Variants in FLYWCH1 observed in about 807,000 individuals in gnomAD.
FLYWCH1 encodes FLYWCH-type zinc finger-containing protein 1.
A neutral mutation model predicts 66.4 loss-of-function variants in FLYWCH1; 75 were observed. The ratio of observed to expected loss-of-function variants is 1.13; its 90% CI spans 0.94 to 1.37. FLYWCH1 has a LOEUF of 1.37. Among genes scored for constraint, FLYWCH1 ranks in the 40% most tolerant of loss-of-function variants. FLYWCH1 has a pLI of 0.00. For missense variants in FLYWCH1, 1,334 were observed against 1,001.8 expected (o/e 1.33, Z -4.48); for synonymous variants, 595 against 429.9 (o/e 1.38, Z -4.75).
chr16:2,925,490 C>CAG (rs1297786887), intron 2 of FLYWCH1, among the ~76,000 whole-genome samples: 1 of 146,144 alleles, frequency 6.8e-6, no homozygotes, highest in Non-Finnish European at 1.5e-5. Flanking sequence ...CCCTGGAGCT[C>CAG]AGAGCGAGGG....
chr16:2,917,858 A>G lies in FLYWCH1; in HGVS notation c.-74+3569A>G, dbSNP rs112537459. Among the ~76,000 whole-genome samples, 1,183 of 123,126 alleles carry G rather than the reference A, an allele frequency of 9.6e-3. 7 individuals carry two copies. Among genetic ancestry groups the G allele is most frequent in the Non-Finnish European group, 0.015 (960 of 62,262 alleles). 80.8% of individuals were successfully genotyped at this position (123,126 alleles called of 152,430 possible). ...CTGGAGTCTTTTCTTCCCCCTCGAG[A>G]TGGAGTCTCACTGTTGCCCAGGCTG... On this transcript the variant is annotated intron_variant, in intron 2 of 9. Coordinates refer to ENST00000253928, the MANE Select transcript of FLYWCH1 (RefSeq NM_001308068.2).
At chr16:2,948,625 CTG>C in intron 9 of FLYWCH1, 61 bp from the exon 10 acceptor site, 2 of 1,539,492 alleles carry the variant, frequency 1.3e-6, no homozygotes, top group Non-Finnish European at 1.8e-6. Context: ...CCTGAACTTT[CTG>C]TGTTATCTAT....
At chr16:2,926,754 A>G (rs2150932957) in intron 2 of FLYWCH1, among the ~76,000 whole-genome samples, 1 of 152,346 alleles carries the variant, frequency 6.6e-6, no homozygotes, top group Non-Finnish European at 1.5e-5. Context: ...AATTGGCCAT[A>G]AAGCCATGTT....
chr16:2,925,256 C>T (rs2150925955), intron 2 of FLYWCH1, among the ~76,000 whole-genome samples: 1 of 152,334 alleles, frequency 6.6e-6, no homozygotes, highest in East Asian at 1.9e-4. Context: ...GGACTTTCTC[C>T]AGAGGGCGGG....
chr16:2,930,689 C>A lies in FLYWCH1; in HGVS notation c.605C>A (p.Pro202His). 6.5e-7 allele frequency: 1 copy of A among 1,544,230 alleles called. No individual in the cohort carries two copies. The highest frequency in any genetic ancestry group is 8.7e-7 in the Non-Finnish European group (1 of 1,147,382). ...GCCCTGCCAGAGGGCTTGGGAGAGC[C>A]CCAGGGTCCTGAGGGCCCTGGAGGC... ...SLALPEGLGE[P>H]QGPEGPGGRV... is the part of the protein sequence containing the mutation. The change falls in exon 4 of 10, where the codon CCC (proline) becomes CAC (histidine). Residue 202 changes from proline to histidine, a missense_variant. Physicochemically the swap from Pro to His is moderately conservative, Grantham distance 77. Coordinates refer to ENST00000253928, the MANE Select transcript of FLYWCH1 (RefSeq NM_001308068.2).
At chr16:2,931,960 A>G (rs982746266) in intron 4 of FLYWCH1, among the ~76,000 whole-genome samples, 5 of 151,982 alleles carry the variant, frequency 3.3e-5, no homozygotes, top group African/African-American at 9.7e-5. Context: ...AAAAAAATAC[A>G]AAAAAAGATT....
rs143521449 is a variant in FLYWCH1, at chr16:2,939,221, G to A, written c.2050+765G>A. Among the ~76,000 whole-genome samples, 1,068 of 152,254 alleles carry A rather than the reference G, an allele frequency of 7.0e-3. 9 individuals are homozygous for A. Among genetic ancestry groups the A allele is most frequent in the South Asian group, 0.024 (114 of 4,826 alleles). Reference sequence around the variant, plus strand: ...AGCACTTTGGGAGGCTGAGGCAGGCGGATCACCTGAGGTCAGGAGTTCGAG... The same window carrying A: ...AGCACTTTGGGAGGCTGAGGCAGGCAGATCACCTGAGGTCAGGAGTTCGAG... On this transcript the variant is annotated intron_variant, in intron 8 of 9. Transcript: ENST00000253928.
At chr16:2,932,670 T>A (rs1400461529) in intron 4 of FLYWCH1, among the ~76,000 whole-genome samples, 1 of 152,172 alleles carries the variant, frequency 6.6e-6, no homozygotes, top group African/African-American at 2.4e-5. Context: ...TTGAATGTAT[T>A]ATACCTTGTG....
chr16:2,933,852 C>G lies in FLYWCH1; in HGVS notation c.1386C>G (p.Ser462Arg). ...CRDQARMGCRSRAITQGRRVT... is the reference protein window; with the variant it reads ...CRDQARMGCRRRAITQGRRVT... ...ACCAGGCCCGCATGGGCTGCCGCAGCCGCGCCATCACCCAGGGCCGACGGG... is the reference window on the plus strand; with the variant it reads ...ACCAGGCCCGCATGGGCTGCCGCAGGCGCGCCATCACCCAGGGCCGACGGG... The change falls in exon 6 of 10, where the codon AGC becomes AGG. Residue 462 changes from serine (S) to arginine (R), a missense_variant. Transcript: ENST00000253928. 3 of 1,607,050 alleles carry G rather than the reference C, an allele frequency of 1.9e-6. No homozygotes were observed. The highest frequency in any genetic ancestry group is 2.5e-6 in the Non-Finnish European group (3 of 1,177,124).
chr16:2,937,000 C>G, intron 6 of FLYWCH1, 121 bp from the exon 7 acceptor site: 3 of 937,918 alleles, frequency 3.2e-6, no homozygotes, highest in Non-Finnish European at 2.7e-6. Flanking sequence ...GTCCTGGGCT[C>G]CGGGGCCACC....
intron 9 of FLYWCH1, among the ~76,000 whole-genome samples, chr16:2,945,382 A>C (rs960080177): frequency 1.3e-5 from 2 of 150,716 alleles, no homozygotes; most frequent in Admixed American, 1.3e-4. Flanking sequence ...GCTACTCGGG[A>C]GGCTGGGGTA....
rs369990305 is a variant in FLYWCH1 at position 2,933,682 on chromosome 16, T to TC, written c.1250-30dup. On this transcript the variant is annotated intron_variant, in intron 5 of 9. Coordinates refer to ENST00000253928, the MANE Select transcript of FLYWCH1 (RefSeq NM_001308068.2). ...TGCGATCAGGCCTACCCAGCCCCTGTCCCCTCCCCTGACTGCCTCTTGAAC... is the reference window on the plus strand; with the variant it reads ...TGCGATCAGGCCTACCCAGCCCCTGTCCCCCTCCCCTGACTGCCTCTTGAAC... 770 of 1,596,874 alleles carry TC rather than the reference T, an allele frequency of 4.8e-4. 6 individuals are homozygous for TC. The African/African-American group carries it at 9.5e-3, about 20-fold the overall frequency.
At chr16:2,930,326 A>G in intron 3 of FLYWCH1, 84 bp from the exon 4 acceptor site, 1 of 827,204 alleles carries the variant, frequency 1.2e-6, no homozygotes. Context: ...CATACTCAGG[A>G]TCCCCACGCC....
At position 2,930,741 on chromosome 16, in the gene FLYWCH1, G is replaced by A. The variant is rs2070733555; in HGVS notation, c.657G>A (p.Val219=). ...GGRVEEPLEG[V]GPWQCPEEPE... ...GAGTGGAGGAGCCCCTGGAGGGGGTGGGCCCGTGGCAGTGCCCTGAGGAGC... is the reference window on the plus strand; with the variant it reads ...GAGTGGAGGAGCCCCTGGAGGGGGTAGGCCCGTGGCAGTGCCCTGAGGAGC... The change falls in exon 4 of 10, where the codon GTG becomes GTA. Residue 219 remains valine, a synonymous_variant. Coordinates refer to ENST00000253928, the MANE Select transcript of FLYWCH1 (RefSeq NM_001308068.2). The A allele has an allele frequency of 6.4e-7, 1 of 1,556,876 alleles. No homozygotes were observed. The highest frequency in any genetic ancestry group is 1.9e-5 in the Admixed American group (1 of 52,604).
intron 8 of FLYWCH1, among the ~76,000 whole-genome samples, chr16:2,938,941 C>A (rs2071144255): frequency 7.3e-6 from 1 of 137,074 alleles, no homozygotes; most frequent in Admixed American, 7.3e-5. Flanking sequence ...GAGTTTTGCT[C>A]TTGTTGCCCA....
rs1017399788 is a variant in FLYWCH1 at position 2,914,793 on chromosome 16, C to T, written c.-74+504C>T. 2.0e-5 allele frequency among the ~76,000 whole-genome samples: 3 copies of T among 151,594 alleles called. No homozygotes were observed. The South Asian group carries it at 6.2e-4, about 31-fold the overall frequency. ...GCGCACACCTGTAATCCCAGCTACT[C>T]AGGAGCCTGAGGAGCAGAATCGCTT... On this transcript the variant is annotated intron_variant, in intron 2 of 9. Coordinates refer to ENST00000253928, the MANE Select transcript of FLYWCH1 (RefSeq NM_001308068.2).
At chr16:2,930,034 G>T in intron 3 of FLYWCH1, 24 bp downstream of exon 3, 2 of 1,585,284 alleles carry the variant, frequency 1.3e-6, no homozygotes, top group South Asian at 1.1e-5. Flanking sequence ...TCCCGCCCCT[G>T]CCCAGCCACC....
At chr16:2,929,319 G>T (rs373960490) in intron 2 of FLYWCH1, among the ~76,000 whole-genome samples, 1 of 152,170 alleles carries the variant, frequency 6.6e-6, no homozygotes, top group Non-Finnish European at 1.5e-5. Context: ...CCCTTCGTCC[G>T]TGCTCAGCAT....
Position 2,933,404 on chromosome 16 carries a change from C to G in FLYWCH1, c.1071C>G (p.Gly357=). The G allele has an allele frequency of 6.2e-7, 1 of 1,601,234 alleles. No homozygotes were observed. Among genetic ancestry groups the G allele is most frequent in the Non-Finnish European group, 8.5e-7 (1 of 1,174,742 alleles). The part of the protein sequence containing the change: ...AVETLQAGQD[G]PGSQVDTLLR... The stretch of plus-strand genomic sequence containing the variant: ...AGACGCTGCAGGCTGGGCAGGACGG[C>G]CCTGGGAGCCAAGTGGACACGCTGC... The change falls in exon 5 of 10, where the codon GGC becomes GGG. Residue 357 remains glycine, a synonymous_variant. Coordinates refer to ENST00000253928, the MANE Select transcript of FLYWCH1 (RefSeq NM_001308068.2).
Sources: allele counts gnomAD v4.1 joint callset (sites outside exome capture counted in the v4.1 genomes callset), GRCh38; gene constraint gnomAD v4.1.1; transcripts MANE v1.5; gene names NCBI Gene and HGNC (gene_info 2026-07-23, HGNC 2026-07-21).